IRF2: variants seen among roughly 807,000 people sequenced by gnomAD.
IRF2 encodes interferon regulatory factor 2.
Under a neutral mutation model 40.6 loss-of-function variants are expected in IRF2, and 15 were observed. That is an observed-to-expected ratio of 0.37 (90% CI 0.25 to 0.57). The LOEUF is 0.57. Among genes scored for constraint, IRF2 ranks in the 20% least tolerant of loss-of-function variants. The pLI, the probability that IRF2 is intolerant of heterozygous loss-of-function variation, is 0.77. For synonymous variants in IRF2, 151 were observed against 165.5 expected (o/e 0.91, Z 0.67); for missense variants, 317 against 455.7 (o/e 0.70, Z 2.77).
At chr4:184,461,684 G>GC (rs1554017760) in intron 1 of IRF2, among the ~76,000 whole-genome samples, 3,626 of 40,746 alleles carry the variant, frequency 0.089, 133 homozygotes, top group African/African-American at 0.27. Flanking sequence ...TCCTCTACCC[G>GC]CCCCCCCACC....
intron 1 of IRF2, among the ~76,000 whole-genome samples, chr4:184,455,258 C>T (rs1738874086): frequency 8.2e-6 from 1 of 122,184 alleles, no homozygotes; most frequent in Non-Finnish European, 1.7e-5. Flanking sequence ...TCCCCTCCCC[C>T]TTCCCTCCCT....
At chr4:184,466,053 G>GTTTTT (rs1432811090) in intron 1 of IRF2, among the ~76,000 whole-genome samples, 1 of 108,192 alleles carries the variant, frequency 9.2e-6, no homozygotes, top group African/African-American at 3.4e-5. Flanking sequence ...CCATCTGGTT[G>GTTTTT]TTTTTTGTTT....
chr4:184,430,363 A>AGCCTTTT (rs1378642835), intron 1 of IRF2, among the ~76,000 whole-genome samples: 3 of 150,806 alleles, frequency 2.0e-5, no homozygotes, highest in Admixed American at 6.6e-5. Flanking sequence ...AGTCTGGCCC[A>AGCCTTTT]CTGACTGCTG....
In IRF2 at chr4:184,418,546, C is replaced by G. The variant is rs779248434; in HGVS notation, c.350G>C (p.Arg117Pro). 1 of 1,613,998 alleles carries G rather than the reference C, an allele frequency of 6.2e-7. No individual in the cohort carries two copies. Among genetic ancestry groups the G allele is most frequent in the East Asian group, 2.2e-5 (1 of 44,900 alleles). The change falls in exon 4 of 9, where the codon CGG becomes CCG. Residue 117 changes from arginine (R) to proline (P), a missense_variant. By Grantham distance (103) the Arg-to-Pro change is moderately radical (BLOSUM62 -2). Coordinates refer to ENST00000393593, the MANE Select transcript of IRF2 (RefSeq NM_002199.4). ...AATGCCTTTACCTTTCTTAGAAGGC[C>G]GTTCTGATAGGGGCAGCATTCGGTA... Reference protein sequence around the residue: ...RVYRMLPLSERPSKKGKKPKT... With the variant: ...RVYRMLPLSEPPSKKGKKPKT...
chr4:184,394,722 C>T (rs1736384677), intron 7 of IRF2, among the ~76,000 whole-genome samples: 1 of 152,162 alleles, frequency 6.6e-6, no homozygotes, highest in Non-Finnish European at 1.5e-5. Flanking sequence ...TCCTCCCCCA[C>T]CCCATTATTC....
intron 6 of IRF2, chr4:184,407,262 T>A (rs928828606): frequency 2.4e-6 from 3 of 1,271,808 alleles, no homozygotes; most frequent in Middle Eastern, 2.2e-4. Context: ...GAAGTCACCA[T>A]ACACACAACA....
At chr4:184,418,053 A>G in intron 5 of IRF2, 114 bp downstream of exon 5, 1 of 807,692 alleles carries the variant, frequency 1.2e-6, no homozygotes, top group South Asian at 1.5e-5. Context: ...AGAAGACACA[A>G]GCAAAGGAAG....
intron 1 of IRF2, among the ~76,000 whole-genome samples, chr4:184,451,524 C>T (rs537785705): frequency 1.3e-5 from 2 of 152,240 alleles, no homozygotes; most frequent in African/African-American, 4.8e-5. Flanking sequence ...TGGCTTAGCC[C>T]ATGCCAAAGC....
At chr4:184,402,963 C>G (rs950658775) in intron 6 of IRF2, among the ~76,000 whole-genome samples, 1 of 152,148 alleles carries the variant, frequency 6.6e-6, no homozygotes, top group Non-Finnish European at 1.5e-5. Context: ...TAGATAAGCA[C>G]GTCCATGCAG....
chr4:184,459,372 C>G (rs1362003127), intron 1 of IRF2, among the ~76,000 whole-genome samples: 4 of 152,164 alleles, frequency 2.6e-5, no homozygotes, highest in Admixed American at 2.0e-4. Context: ...CTTGATTTCT[C>G]CAGCTGAAAA....
At position 184,388,784 on chromosome 4, in the gene IRF2, T is replaced by G; in HGVS notation, c.1024A>C (p.Thr342Pro). The G allele has an allele frequency of 1.2e-6, 2 of 1,612,622 alleles. No homozygotes were observed. The highest frequency in any genetic ancestry group is 1.7e-6 in the Non-Finnish European group (2 of 1,179,940). The change falls in exon 9 of 9, where the codon ACC becomes CCC. Residue 342 changes from threonine (T) to proline (P), a missense_variant. Physicochemically the swap from Thr to Pro is conservative, Grantham distance 38. Transcript: ENST00000393593. This position sits in a 1 kb window ranked among gnomAD's most constrained non-coding sequence, Gnocchi z 4.6. ...TAACAGCTCTTGACGCGGGCCTGGGTGATATCCGATGTTTTCTTGATGACG... is the reference window on the plus strand; with the variant it reads ...TAACAGCTCTTGACGCGGGCCTGGGGGATATCCGATGTTTTCTTGATGACG... ...ASVIKKTSDI[T>P]QARVKSC
At chr4:184,452,740 C>G (rs1738761192) in intron 1 of IRF2, among the ~76,000 whole-genome samples, 1 of 111,978 alleles carries the variant, frequency 8.9e-6, no homozygotes, top group Non-Finnish European at 1.7e-5. Context: ...CACTACACCC[C>G]AGCATGAGCA....
rs551520063 is a variant in IRF2 at position 184,420,214 on chromosome 4, G to A, written c.88-646C>T. 3.3e-5 allele frequency among the ~76,000 whole-genome samples: 5 copies of A among 152,170 alleles called. No homozygotes were observed. The South Asian group carries it at 8.3e-4, about 25-fold the overall frequency. ...AACCACAGAAAAATGGCCACCTACCGAAACTTCTAATGCTTACTCTTATAA... is the reference window on the plus strand; with the variant it reads ...AACCACAGAAAAATGGCCACCTACCAAAACTTCTAATGCTTACTCTTATAA... On this transcript the variant is annotated intron_variant, in intron 2 of 8. Coordinates refer to ENST00000393593, the MANE Select transcript of IRF2 (RefSeq NM_002199.4).
rs780152637 is a variant in IRF2 at position 184,463,746 on chromosome 4, C to T, written c.-7+10633G>A. Among the ~76,000 whole-genome samples, 99 of 152,034 alleles carry T rather than the reference C, an allele frequency of 6.5e-4. 1 individual carries two copies. Among genetic ancestry groups the T allele is most frequent in the Non-Finnish European group, 2.6e-4 (18 of 68,004 alleles). On this transcript the variant is annotated intron_variant, in intron 1 of 8. Coordinates refer to ENST00000393593, the MANE Select transcript of IRF2 (RefSeq NM_002199.4). ...TCCTACTTCCGTAGCAATCCAAAAA[C>T]GTCTCCATGTTCATAAAGAGAGTGA...
At chr4:184,459,726 T>C (rs1320945788) in intron 1 of IRF2, among the ~76,000 whole-genome samples, 1 of 152,072 alleles carries the variant, frequency 6.6e-6, no homozygotes, top group East Asian at 1.9e-4. Flanking sequence ...TAAGAAGATA[T>C]ACAAATGGCT....
At chr4:184,464,260 G>A (rs942896772) in intron 1 of IRF2, among the ~76,000 whole-genome samples, 1 of 151,898 alleles carries the variant, frequency 6.6e-6, no homozygotes, top group Non-Finnish European at 1.5e-5. Flanking sequence ...AATGAAGATA[G>A]GGAATGTATA....
At chr4:184,403,492 C>T (rs762421129) in intron 6 of IRF2, among the ~76,000 whole-genome samples, 14 of 152,218 alleles carry the variant, frequency 9.2e-5, no homozygotes, top group Non-Finnish European at 1.5e-4. Flanking sequence ...TCCCTACCAC[C>T]TCCCAAGACC....
At chr4:184,414,851 C>A (rs974056540) in intron 5 of IRF2, among the ~76,000 whole-genome samples, 1 of 152,198 alleles carries the variant, frequency 6.6e-6, no homozygotes, top group African/African-American at 2.4e-5. Flanking sequence ...TACCTAGTTA[C>A]CATATGAAAG....
intron 7 of IRF2, among the ~76,000 whole-genome samples, chr4:184,396,323 C>G (rs559117574): frequency 3.3e-5 from 5 of 152,134 alleles, no homozygotes; most frequent in African/African-American, 4.8e-5. Flanking sequence ...CGTTAAGGAC[C>G]GGCCTTTGGC....
Sources: gnomAD v4.1 joint callset for allele counts (sites outside exome capture counted in the v4.1 genomes callset) on GRCh38, gnomAD v4.1.1 for gene constraint, Gnocchi (gnomAD v3.1) non-coding constraint, MANE v1.5 for transcripts, NCBI Gene and HGNC (gene_info 2026-07-23, HGNC 2026-07-21) for gene names.